Variants in CRPPA observed in about 807,000 individuals in gnomAD.
CRPPA encodes D-ribitol-5-phosphate cytidylyltransferase.
In CRPPA, 43 loss-of-function variants were observed where a neutral mutation model predicts 52.0. The observed-to-expected ratio is 0.83, with a 90% CI of 0.65 to 1.07. The LOEUF is 1.07. Among genes scored for constraint, CRPPA ranks in the 50% least tolerant of loss-of-function variants. CRPPA has a pLI of 0.00. For missense variants in CRPPA, 629 were observed against 551.7 expected (o/e 1.14, Z -1.40); for synonymous variants, 250 against 203.5 (o/e 1.23, Z -1.94).
intron 5 of CRPPA, among the ~76,000 whole-genome samples, chr7:16,285,157 T>G (rs911350281): frequency 3.9e-5 from 6 of 152,156 alleles, no homozygotes; most frequent in Non-Finnish European, 5.9e-5. Flanking sequence ...AATCTTCTGT[T>G]TTATTAATAA....
chr7:16,332,132 T>C (rs1052926792), intron 3 of CRPPA, among the ~76,000 whole-genome samples: 4 of 152,146 alleles, frequency 2.6e-5, no homozygotes, highest in African/African-American at 9.7e-5. Context: ...TCACAAACCA[T>C]GCAAGCAGGA....
At chr7:16,333,685 A>G (rs368077639) in intron 3 of CRPPA, among the ~76,000 whole-genome samples, 31 of 152,312 alleles carry the variant, frequency 2.0e-4, no homozygotes, top group African/African-American at 7.5e-4. Context: ...ATAGCAAATA[A>G]AATGGATGTA....
chr7:16,107,898 T>C (rs917245238), intron 9 of CRPPA, among the ~76,000 whole-genome samples: 4 of 152,072 alleles, frequency 2.6e-5, no homozygotes, highest in African/African-American at 9.6e-5. Flanking sequence ...TAGAGTTATA[T>C]GCAATCAAAG....
At chr7:16,362,067 G>GA (rs1234457181) in intron 3 of CRPPA, among the ~76,000 whole-genome samples, 4 of 152,098 alleles carry the variant, frequency 2.6e-5, no homozygotes, top group Non-Finnish European at 5.9e-5. Flanking sequence ...TGTTAGCCAG[G>GA]ATGGTCTCGA....
At chr7:16,378,767 C>T (rs1383342576) in intron 2 of CRPPA, among the ~76,000 whole-genome samples, 2 of 152,010 alleles carry the variant, frequency 1.3e-5, no homozygotes, top group Admixed American at 1.3e-4. Flanking sequence ...TCCTCTCCAG[C>T]ACCTGTTGTT....
intron 5 of CRPPA, 35 bp from the exon 6 acceptor site, chr7:16,278,261 C>A: frequency 6.3e-6 from 7 of 1,105,456 alleles, no homozygotes; most frequent in African/African-American, 1.6e-5. Flanking sequence ...AAGTTTCAAA[C>A]AAAACATGTA....
intron 9 of CRPPA, among the ~76,000 whole-genome samples, chr7:16,114,316 A>C (rs1323306691): frequency 6.6e-6 from 1 of 151,224 alleles, no homozygotes; most frequent in African/African-American, 2.4e-5. Context: ...ACACACACAC[A>C]CCTTTGATAC....
intron 9 of CRPPA, among the ~76,000 whole-genome samples, chr7:16,117,574 G>A (rs367832061): frequency 3.3e-5 from 5 of 152,146 alleles, no homozygotes; most frequent in East Asian, 1.9e-4. Context: ...ACACCTTGCG[G>A]GAGCTACGTG....
rs1341073314 is a variant in CRPPA, at chr7:16,331,962, T to C, written c.685-23335A>G. Among the ~76,000 whole-genome samples the C allele has an allele frequency of 5.9e-5, 9 of 152,256 alleles. No individual in the cohort carries two copies. The East Asian group carries it at 9.7e-4, about 16-fold the overall frequency. ...ATAATTTCTCCAAATTAATGTAAGA[T>C]AGCAAACCACAGATCCCAGAAGCTC... On this transcript the variant is annotated intron_variant, in intron 3 of 9. Transcript: ENST00000407010.
intron 8 of CRPPA, among the ~76,000 whole-genome samples, chr7:16,217,427 C>T (rs1302927573): frequency 6.1e-5 from 9 of 148,492 alleles, no homozygotes; most frequent in Non-Finnish European, 1.2e-4. Flanking sequence ...AGCAACGGAA[C>T]AAAGCTGGAT....
Position 16,216,137 on chromosome 7 carries a change from T to C in CRPPA, c.1180A>G (p.Ile394Val), listed in dbSNP as rs1248408662. The stretch of plus-strand genomic sequence containing the variant: ...TTTACTTCCTTTGCAAATTCTCTAA[T>C]CTGCATTAGGTTTTCCATTTTCTGA... ...PSQKMENLMQ[I>V]REFAKEVKER... Residue 394 changes from isoleucine to valine, a missense_variant, in exon 9 of 10, where the codon ATT becomes GTT. Ile to Val is a conservative substitution (Grantham distance 29, BLOSUM62 3). Transcript: ENST00000407010. 4 of 1,598,112 alleles carry C rather than the reference T, an allele frequency of 2.5e-6. No homozygotes were observed. Among genetic ancestry groups the C allele is most frequent in the Non-Finnish European group, 3.4e-6 (4 of 1,167,826 alleles).
intron 2 of CRPPA, among the ~76,000 whole-genome samples, chr7:16,387,500 T>C (rs1787318400): frequency 6.6e-6 from 1 of 151,964 alleles, no homozygotes; most frequent in Non-Finnish European, 1.5e-5. Context: ...AAAAGTAAAC[T>C]AGCAGACAAA....
intron 6 of CRPPA, chr7:16,269,399 T>C (rs746830868): frequency 1.3e-5 from 2 of 152,052 alleles, no homozygotes; most frequent in Non-Finnish European, 2.9e-5. Flanking sequence ...TCCAGTAGAA[T>C]AGAGTGCAAA....
At chr7:16,348,452 A>G (rs1353408202) in intron 3 of CRPPA, among the ~76,000 whole-genome samples, 2 of 152,120 alleles carry the variant, frequency 1.3e-5, no homozygotes, top group Non-Finnish European at 2.9e-5. Context: ...GTTTACACAC[A>G]CATTCTGTGC....
intron 2 of CRPPA, among the ~76,000 whole-genome samples, chr7:16,394,984 G>T (rs1355775525): frequency 6.6e-6 from 1 of 152,158 alleles, no homozygotes; most frequent in African/African-American, 2.4e-5. Flanking sequence ...AACATGCAAT[G>T]AAACCTCAAT....
chr7:16,137,932 T>C (rs1782792529), intron 9 of CRPPA, among the ~76,000 whole-genome samples: 1 of 152,172 alleles, frequency 6.6e-6, no homozygotes, highest in South Asian at 2.1e-4. Context: ...GAGCACTGAG[T>C]GTTCATTAAA....
At chr7:16,243,474 A>G (rs1392777252) in intron 8 of CRPPA, among the ~76,000 whole-genome samples, 1 of 152,204 alleles carries the variant, frequency 6.6e-6, no homozygotes, top group Non-Finnish European at 1.5e-5. Context: ...TAAGTTGGTC[A>G]AAGTAATATT....
At chr7:16,369,484 C>A (rs1405565386) in intron 3 of CRPPA, among the ~76,000 whole-genome samples, 3 of 152,134 alleles carry the variant, frequency 2.0e-5, no homozygotes, top group Non-Finnish European at 4.4e-5. Flanking sequence ...GGTTTTACTT[C>A]CTTGTTGTTT....
intron 9 of CRPPA, among the ~76,000 whole-genome samples, chr7:16,164,206 A>G (rs2128383003): frequency 6.6e-6 from 1 of 151,932 alleles, no homozygotes; most frequent in South Asian, 2.1e-4. Context: ...TTTGTTCCTT[A>G]CTTTTCATTC....
Sources: gnomAD v4.1 joint callset for allele counts (sites outside exome capture counted in the v4.1 genomes callset) on GRCh38, gnomAD v4.1.1 for gene constraint, MANE v1.5 for transcripts, NCBI Gene and HGNC (gene_info 2026-07-23, HGNC 2026-07-21) for gene names.